The following NFATC2 variants were observed in gnomAD, a reference collection of about 807,000 sequenced individuals.
The protein encoded by NFATC2 is nuclear factor of activated T-cells, cytoplasmic 2.
In NFATC2, 22 loss-of-function variants were observed where a neutral mutation model predicts 87.3. The observed-to-expected ratio is 0.25, with a 90% confidence interval of 0.18 to 0.36. The LOEUF (loss-of-function observed/expected upper bound fraction) is 0.36. NFATC2 is among the 10% of genes least tolerant of loss of function. NFATC2 has a pLI of 1.00. For synonymous variants in NFATC2, 565 were observed against 542.2 expected (o/e 1.04, Z -0.58); for missense variants, 1,149 against 1,259.1 (o/e 0.91, Z 1.32).
chr20:51,543,496 G>A (rs4811191), upstream of NFATC2, among the ~76,000 whole-genome samples: 12,542 of 152,280 alleles, frequency 0.082, 780 homozygotes, highest in South Asian at 0.25. Context: ...TTGATGAGGC[G>A]ATCTTGGGGA....
At position 51,477,714 on chromosome 20, in the gene NFATC2, G is replaced by T. The variant is rs1047121864; in HGVS notation, c.1333-2054C>A. Among the ~76,000 whole-genome samples the T allele has an allele frequency of 9.9e-5, 15 of 151,382 alleles. 1 individual carries two copies. In the East Asian group the frequency reaches 2.7e-3, roughly 27 times the overall value. ...ATTCCTTTCTCCACTAATTGAGTGG[G>T]ACTACAGGTGACAACTCACGAAGAC... On this transcript the variant is annotated intron_variant, in intron 3 of 10. Transcript: ENST00000371564.
chr20:51,404,814 C>T (rs1403340492), intron 9 of NFATC2, among the ~76,000 whole-genome samples: 1 of 152,184 alleles, frequency 6.6e-6, no homozygotes, highest in East Asian at 1.9e-4. Flanking sequence ...AGCTTTGGGC[C>T]GGCGACCTGC....
chr20:51,514,563 A>G (rs1175140164), intron 3 of NFATC2, among the ~76,000 whole-genome samples: 1 of 152,158 alleles, frequency 6.6e-6, no homozygotes, highest in African/African-American at 2.4e-5. Flanking sequence ...AGGTGCATGG[A>G]GCTGTGGACA....
At position 51,432,826 on chromosome 20, in the gene NFATC2, G is replaced by T; in HGVS notation, c.2033-70C>A. The stretch of plus-strand genomic sequence containing the variant: ...CACGGATGTGCACGGAGGATTCGTG[G>T]ATGGTGCTTGAGAACATGGCCTTGG... On this transcript the variant is annotated intron_variant, in intron 8 of 10. Transcript: ENST00000371564. The surrounding 1 kb of genome is among the most constrained non-coding windows in gnomAD (Gnocchi z 4.6). 1 of 1,372,220 alleles carries T rather than the reference G, an allele frequency of 7.3e-7. No homozygotes were observed. 85.0% of individuals were successfully genotyped at this position (1,372,220 alleles called of 1,614,324 possible).
At chr20:51,542,885 T>C (rs914380041), upstream of NFATC2, among the ~76,000 whole-genome samples, 1 of 151,694 alleles carries the variant, frequency 6.6e-6, no homozygotes, top group African/African-American at 2.4e-5. Context: ...TCCGCGGACC[T>C]GACCACACTG....
At chr20:51,446,568 T>C (rs540088473) in intron 6 of NFATC2, among the ~76,000 whole-genome samples, 1 of 152,340 alleles carries the variant, frequency 6.6e-6, no homozygotes, top group South Asian at 2.1e-4. Flanking sequence ...TTAGACACAA[T>C]GAGTGTTCTA....
chr20:51,481,365 G>T (rs1378636892), intron 3 of NFATC2, among the ~76,000 whole-genome samples: 1 of 152,062 alleles, frequency 6.6e-6, no homozygotes, highest in Non-Finnish European at 1.5e-5. Context: ...TTCTCCAAAG[G>T]TGAGGTCTTC....
chr20:51,445,792 G>C (rs1185002179), intron 6 of NFATC2, among the ~76,000 whole-genome samples: 2 of 152,222 alleles, frequency 1.3e-5, no homozygotes, highest in Non-Finnish European at 2.9e-5. Context: ...CATAGTAGGT[G>C]CTCAATAAAC....
At chr20:51,394,668 G>GAAGCTTAGAAAGGGATTGGGAAAC (rs1986798439) in intron 10 of NFATC2, among the ~76,000 whole-genome samples, 1 of 145,028 alleles carries the variant, frequency 6.9e-6, no homozygotes, top group Non-Finnish European at 1.5e-5. Context: ...ACAGAACACA[G>GAAGCTTAGAAAGGGATTGGGAAAC]AAGCTTAGAA....
chr20:51,512,174 C>T lies in NFATC2; in HGVS notation c.1332+4610G>A. On this transcript the variant is annotated intron_variant, in intron 3 of 10. Coordinates refer to ENST00000371564, the MANE Select transcript of NFATC2 (RefSeq NM_012340.5). Reference sequence around the variant, plus strand: ...GGTCCCAGCTGACAAGTCACCTCCTCAACGAGACACTCTTTCTAAAGTAGG... The same window carrying T: ...GGTCCCAGCTGACAAGTCACCTCCTTAACGAGACACTCTTTCTAAAGTAGG... 1.3e-5 allele frequency among the ~76,000 whole-genome samples: 2 copies of T among 152,118 alleles called. 1 individual carries two copies. The highest frequency in any genetic ancestry group is 3.9e-4 in the East Asian group (2 of 5,180).
intron 5 of NFATC2, among the ~76,000 whole-genome samples, chr20:51,464,038 A>G (rs951762892): frequency 1.3e-5 from 2 of 152,138 alleles, no homozygotes; most frequent in Non-Finnish European, 2.9e-5. Flanking sequence ...ACTGGGCCAG[A>G]TAACTATTGG....
At chr20:51,485,169 A>T (rs1356160090) in intron 3 of NFATC2, among the ~76,000 whole-genome samples, 1 of 152,252 alleles carries the variant, frequency 6.6e-6, no homozygotes, top group Non-Finnish European at 1.5e-5. Context: ...AGGAAGCCCT[A>T]GAAACCAGTG....
Position 51,390,999 on chromosome 20 carries a change from A to G in NFATC2, c.*497T>C. 1 of 339,314 alleles carries G rather than the reference A, an allele frequency of 2.9e-6. No homozygotes were observed. The highest frequency in any genetic ancestry group is 2.5e-5 in the South Asian group (1 of 40,758). The allele number at this position is 339,314 out of a possible 1,614,324, so 21.0% of individuals were successfully genotyped here. On this transcript the variant is annotated 3_prime_UTR_variant, in exon 11 of 11. Coordinates refer to ENST00000371564, the MANE Select transcript of NFATC2 (RefSeq NM_012340.5). The stretch of plus-strand genomic sequence containing the variant: ...GGAGCTGTATCTGTGACCTGGAAAA[A>G]CGAACGCAAGGGCTGGGGTTTAATC...
At chr20:51,476,593 T>C (rs1988738887) in intron 3 of NFATC2, among the ~76,000 whole-genome samples, 1 of 152,208 alleles carries the variant, frequency 6.6e-6, no homozygotes, top group Non-Finnish European at 1.5e-5. Flanking sequence ...TTTGCCTAAG[T>C]CTTTCTCCCA....
intron 1 of NFATC2, among the ~76,000 whole-genome samples, chr20:51,529,406 A>G (rs142041014): frequency 2.4e-4 from 37 of 152,212 alleles, no homozygotes; most frequent in African/African-American, 8.7e-4. Flanking sequence ...ACCAGCAAGC[A>G]GGGAATATGA....
chr20:51,405,238 A>C, intron 9 of NFATC2, among the ~76,000 whole-genome samples: 1 of 152,006 alleles, frequency 6.6e-6, no homozygotes. Flanking sequence ...GTCCTCCCCC[A>C]ACCCACCCTC....
At chr20:51,519,243 T>C (rs565127130) in intron 2 of NFATC2, among the ~76,000 whole-genome samples, 4 of 152,224 alleles carry the variant, frequency 2.6e-5, no homozygotes, top group South Asian at 2.1e-4. Flanking sequence ...GCACCAAAAA[T>C]TTTGTGAGAA....
intron 3 of NFATC2, among the ~76,000 whole-genome samples, 156 bp from the exon 4 acceptor site, chr20:51,475,816 G>A (rs1430211614): frequency 6.6e-6 from 1 of 152,168 alleles, no homozygotes; most frequent in Non-Finnish European, 1.5e-5. Context: ...TTGATGTCCA[G>A]CCAGAGGGTA....
intron 6 of NFATC2, 38 bp downstream of exon 6, chr20:51,454,510 T>C (rs1986182406): frequency 1.2e-6 from 2 of 1,611,490 alleles, no homozygotes; most frequent in Admixed American, 3.3e-5. Flanking sequence ...TTTTGCATGA[T>C]TCTGGGGGAC....
Sources: gnomAD v4.1 joint callset for allele counts (sites outside exome capture counted in the v4.1 genomes callset) on GRCh38, gnomAD v4.1.1 for gene constraint, Gnocchi (gnomAD v3.1) non-coding constraint, MANE v1.5 for transcripts, NCBI Gene and HGNC (gene_info 2026-07-23, HGNC 2026-07-21) for gene names.